The following SANBR variants were observed in gnomAD, a reference collection of about 807,000 sequenced individuals.
The protein encoded by SANBR is SANT and BTB domain regulator of CSR, also known as SANT and BTB domain regulator of class switch recombination.
A neutral mutation model predicts 101.8 loss-of-function variants in SANBR; 77 were observed. That is an observed-to-expected ratio of 0.76 (90% CI 0.63 to 0.91). SANBR has a LOEUF of 0.91. Among genes scored for constraint, SANBR ranks in the 40% least tolerant of loss-of-function variants. The pLI, the probability that SANBR is intolerant of heterozygous loss-of-function variation, is 0.00. For synonymous variants in SANBR, 279 were observed against 274.7 expected (o/e 1.02, Z -0.15); for missense variants, 875 against 853.0 (o/e 1.03, Z -0.32).
chr2:61,130,715 G>A (rs1000810185), intron 20 of SANBR, among the ~76,000 whole-genome samples: 4 of 151,322 alleles, frequency 2.6e-5, no homozygotes, highest in African/African-American at 4.8e-5. Context: ...TTGGGAGGCC[G>A]AGGCGGGCAG....
intron 13 of SANBR, among the ~76,000 whole-genome samples, chr2:61,106,037 A>G (rs1255941262): frequency 6.6e-6 from 1 of 152,182 alleles, no homozygotes; most frequent in East Asian, 1.9e-4. Flanking sequence ...TGATGCGTCA[A>G]GTACAATGGT....
At chr2:61,099,509 C>G (rs1227621019) in intron 12 of SANBR, among the ~76,000 whole-genome samples, 1 of 152,176 alleles carries the variant, frequency 6.6e-6, no homozygotes, top group African/African-American at 2.4e-5. Context: ...AGACGGAAAT[C>G]AGGTTTCGAG....
chr2:61,122,538 A>T lies in SANBR; in HGVS notation c.*376A>T. The T allele has an allele frequency of 1.0e-6, 1 of 1,004,114 alleles. No individual in the cohort carries two copies. 62.2% of individuals were successfully genotyped at this position (1,004,114 alleles called of 1,614,324 possible). ...GGGGAACACAACTGGTAGTGTTACC[A>T]TGCATGGCACTGATTGTAGTATGTC... On this transcript the variant is annotated 3_prime_UTR_variant, in exon 22 of 22. Transcript: ENST00000402291.
intron 10 of SANBR, among the ~76,000 whole-genome samples, chr2:61,090,870 C>T (rs1434307551): frequency 6.6e-6 from 1 of 151,920 alleles, no homozygotes; most frequent in Non-Finnish European, 1.5e-5. Flanking sequence ...GCCGCCATTC[C>T]TGGCAGATGT....
At chr2:61,079,465 T>C (rs1462830612) in intron 6 of SANBR, among the ~76,000 whole-genome samples, 1 of 152,176 alleles carries the variant, frequency 6.6e-6, no homozygotes, top group Non-Finnish European at 1.5e-5. Context: ...TAAAAGTTTT[T>C]TAAAAAACTT....
At chr2:61,080,738 A>AC (rs1033493420) in intron 6 of SANBR, among the ~76,000 whole-genome samples, 5 of 152,078 alleles carry the variant, frequency 3.3e-5, no homozygotes, top group South Asian at 2.1e-4. Flanking sequence ...AACAACAACA[A>AC]AAAAAAACAA....
intron 20 of SANBR, among the ~76,000 whole-genome samples, chr2:61,130,960 T>A (rs1280194672): frequency 1.1e-3 from 49 of 43,418 alleles, no homozygotes; most frequent in Admixed American, 2.4e-3. Context: ...AAAAAAAAAG[T>A]CTCACAATCA....
chr2:61,075,638 G>T (rs951712730), intron 5 of SANBR, among the ~76,000 whole-genome samples: 6 of 152,068 alleles, frequency 3.9e-5, no homozygotes, highest in African/African-American at 1.4e-4. Flanking sequence ...TTAAACTTGT[G>T]CTTAAATTAT....
chr2:61,067,591 C>G (rs1433813235), intron 1 of SANBR, among the ~76,000 whole-genome samples: 1 of 152,112 alleles, frequency 6.6e-6, no homozygotes, highest in Non-Finnish European at 1.5e-5. Flanking sequence ...CAAAAATTAG[C>G]TGGGCGTGGT....
intron 12 of SANBR, among the ~76,000 whole-genome samples, chr2:61,098,094 GTTTTTTGT>G (rs1683116917): frequency 7.9e-6 from 1 of 125,904 alleles, no homozygotes; most frequent in Non-Finnish European, 1.6e-5. Flanking sequence ...GGAGGTTTTT[GTTTTTTGT>G]TTTTTTGTTT....
intron 10 of SANBR, among the ~76,000 whole-genome samples, chr2:61,091,635 C>T (rs913880253): frequency 3.3e-5 from 5 of 151,142 alleles, no homozygotes; most frequent in African/African-American, 9.7e-5. Flanking sequence ...TGACACATAA[C>T]CTGTAATCCC....
At chr2:61,075,811 T>C (rs1051196132) in intron 5 of SANBR, among the ~76,000 whole-genome samples, 28 of 151,924 alleles carry the variant, frequency 1.8e-4, no homozygotes, top group African/African-American at 6.8e-4. Context: ...TTTGATTCTT[T>C]AGTGAAGAAT....
chr2:61,070,702 TTATATATAG>T (rs1354605293), intron 3 of SANBR, among the ~76,000 whole-genome samples: 1 of 145,790 alleles, frequency 6.9e-6, no homozygotes, highest in East Asian at 2.0e-4. Context: ...ATTTTATATA[TTATATATAG>T]TATATATATT....
intron 6 of SANBR, among the ~76,000 whole-genome samples, chr2:61,079,824 CGG>C (rs963914317): frequency 2.0e-5 from 3 of 151,576 alleles, no homozygotes; most frequent in African/African-American, 7.3e-5. Flanking sequence ...CTCTTGAACC[CGG>C]GAGGCAGAGG....
At chr2:61,127,994 C>G (rs983440187), downstream of SANBR, among the ~76,000 whole-genome samples, 1 of 152,134 alleles carries the variant, frequency 6.6e-6, no homozygotes. Flanking sequence ...TACTTATGGC[C>G]CAGCACAGTG....
chr2:61,102,315 C>T (rs1409028829), intron 12 of SANBR, among the ~76,000 whole-genome samples: 4 of 147,260 alleles, frequency 2.7e-5, no homozygotes, highest in South Asian at 2.1e-4. Flanking sequence ...GGCGGAGACC[C>T]GCGATCGTAC....
chr2:61,083,640 C>T lies in SANBR; in HGVS notation c.890+326C>T, dbSNP rs888406449. ...ATCCCAGCACTTTGGGAGGCCGAGG[C>T]GGGCAGATCACGAGGTCAAGAGATC... On this transcript the variant is annotated intron_variant, in intron 8 of 21. Transcript: ENST00000402291. Among the ~76,000 whole-genome samples, 11 of 152,032 alleles carry T rather than the reference C, an allele frequency of 7.2e-5. No individual in the cohort carries two copies. The East Asian group carries it at 1.4e-3, about 19-fold the overall frequency.
At chr2:61,088,330 A>G in intron 9 of SANBR, 28 bp from the exon 10 acceptor site, 1 of 1,572,410 alleles carries the variant, frequency 6.4e-7, no homozygotes, top group South Asian at 1.2e-5. Context: ...TTCTTCCTGG[A>G]TGTTTTTTGT....
At chr2:61,089,670 C>G (rs1309514332) in intron 10 of SANBR, 3 of 152,100 alleles carry the variant, frequency 2.0e-5, no homozygotes, top group African/African-American at 7.2e-5. Context: ...AGTGAAACTC[C>G]ATCTCAAATA....
Sources: gnomAD v4.1 joint callset for allele counts (sites outside exome capture counted in the v4.1 genomes callset) on GRCh38, gnomAD v4.1.1 for gene constraint, MANE v1.5 for transcripts, NCBI Gene and HGNC (gene_info 2026-07-23, HGNC 2026-07-21) for gene names.